Variants in BPNT2 observed in about 807,000 individuals in gnomAD.
BPNT2 encodes Golgi-resident adenosine 3',5'-bisphosphate 3'-phosphatase.
In BPNT2, 11 loss-of-function variants were observed where a neutral mutation model predicts 29.3. That is an observed-to-expected ratio of 0.38 (90% confidence interval 0.24 to 0.62). The LOEUF (loss-of-function observed/expected upper bound fraction) is 0.62. Ranked by LOEUF, BPNT2 falls within the 20% of genes least tolerant of loss-of-function variation. BPNT2 has a pLI of 0.62. For synonymous variants in BPNT2, 195 were observed against 187.7 expected, an observed-to-expected ratio of 1.04 and a Z score of -0.32; for missense variants, 459 against 473.4, an observed-to-expected ratio of 0.97 and a Z score of 0.28.
chr8:56,967,886 A>T (rs1805976201), intron 3 of BPNT2, among the ~76,000 whole-genome samples: 1 of 152,200 alleles, frequency 6.6e-6, no homozygotes, highest in South Asian at 2.1e-4. Context: ...ACTAACAGAA[A>T]TGAAAGCTCC....
Position 56,993,656 on chromosome 8 carries a change from AGCCGCCGCGCTCCGGGCCAGGC to A in BPNT2, c.-93_-72del. ...CAGCGCCCGCCGCCGCCGCCGCCGC[AGCCGCCGCGCTCCGGGCCAGGC>A]GCCGCGCGGGCTACACTGGCGCCCG... On this transcript the variant is annotated 5_prime_UTR_variant, in exon 1 of 5. Transcript: ENST00000262644. 8.6e-7 allele frequency: 1 copy of A among 1,161,816 alleles called. No homozygotes were observed. The highest frequency in any genetic ancestry group is 1.1e-6 in the Non-Finnish European group (1 of 942,134). 72.0% of individuals were successfully genotyped at this position (1,161,816 alleles called of 1,614,324 possible).
chr8:56,975,654 C>T (rs1042042204), intron 3 of BPNT2, among the ~76,000 whole-genome samples: 1 of 152,006 alleles, frequency 6.6e-6, no homozygotes. Flanking sequence ...CTCCTAAGTC[C>T]ATTTTTTCAT....
chr8:56,989,413 G>A (rs907309565), intron 1 of BPNT2, among the ~76,000 whole-genome samples: 2 of 151,192 alleles, frequency 1.3e-5, no homozygotes, highest in African/African-American at 4.9e-5. Context: ...GACAATCTTT[G>A]GCAAATTATT....
At position 56,960,598 on chromosome 8, in the gene BPNT2, C is replaced by T. The variant is rs1805816398; in HGVS notation, c.*3195G>A. ...AACACTAAAATTGGGGTAGCACATACCAAGACAAACATGACCATCTTGTAG... is the reference window on the plus strand; with the variant it reads ...AACACTAAAATTGGGGTAGCACATATCAAGACAAACATGACCATCTTGTAG... On this transcript the variant is annotated 3_prime_UTR_variant, in exon 5 of 5. Transcript: ENST00000262644. 6.6e-6 allele frequency: 1 copy of T among 152,148 alleles called. No individual in the cohort carries two copies. The highest frequency in any genetic ancestry group is 6.5e-5 in the Admixed American group (1 of 15,286). The allele number at this position is 152,148 out of a possible 1,614,324, so 9.4% of individuals were successfully genotyped here.
At chr8:56,979,973 TTGGTTC>T in intron 2 of BPNT2, 56 bp downstream of exon 2, 1 of 1,504,892 alleles carries the variant, frequency 6.6e-7, no homozygotes, top group South Asian at 1.1e-5. Flanking sequence ...GAAGTATGCC[TTGGTTC>T]TGGTTCTCTA....
intron 3 of BPNT2, 35 bp from the exon 4 acceptor site, chr8:56,966,387 GA>G (rs1805953480): frequency 1.3e-6 from 2 of 1,586,636 alleles, no homozygotes; most frequent in East Asian, 2.2e-5. Context: ...TAATGGCACT[GA>G]AGCTTTAAAA....
rs56741190 is a variant in BPNT2, at chr8:56,989,372, T to TA, written c.387+3826dup. 6.4e-3 allele frequency among the ~76,000 whole-genome samples: 840 copies of TA among 131,198 alleles called. 2 individuals are homozygous for TA. The highest frequency in any genetic ancestry group is 7.8e-3 in the Admixed American group (101 of 12,986). 86.1% of individuals were successfully genotyped at this position (131,198 alleles called of 152,430 possible). ...GGGCGACAGAGCGAGACACCATCTTTAAAAAAAAAAAAAAAAAAAAATTCT... is the reference window on the plus strand; with the variant it reads ...GGGCGACAGAGCGAGACACCATCTTTAAAAAAAAAAAAAAAAAAAAAATTCT... On this transcript the variant is annotated intron_variant, in intron 1 of 4. Transcript: ENST00000262644.
intron 1 of BPNT2, among the ~76,000 whole-genome samples, chr8:56,984,932 A>C (rs1236413940): frequency 6.6e-6 from 1 of 151,760 alleles, no homozygotes; most frequent in African/African-American, 2.4e-5. Context: ...TCTCATGGTC[A>C]CTCAGCCTCA....
At chr8:56,977,946 G>A in intron 3 of BPNT2, 104 bp downstream of exon 3, 1 of 803,102 alleles carries the variant, frequency 1.2e-6, no homozygotes, top group South Asian at 1.4e-5. Context: ...GCAGCCCTAG[G>A]AAACTAATAT....
At chr8:56,990,032 G>A (rs1476479179) in intron 1 of BPNT2, among the ~76,000 whole-genome samples, 1 of 152,178 alleles carries the variant, frequency 6.6e-6, no homozygotes, top group African/African-American at 2.4e-5. Flanking sequence ...TACCACCTAG[G>A]CTGGTGACTG....
Position 56,960,371 on chromosome 8 carries a change from C to CT in BPNT2, c.*3421dup, listed in dbSNP as rs1245052160. 6.6e-6 allele frequency: 1 copy of CT among 152,210 alleles called. No individual in the cohort carries two copies. Among genetic ancestry groups the CT allele is most frequent in the Non-Finnish European group, 1.5e-5 (1 of 68,066 alleles). The allele number at this position is 152,210 out of a possible 1,614,324, so 9.4% of individuals were successfully genotyped here. A position where few individuals can be genotyped will look rare whatever the true frequency, so the allele number is the denominator to read the frequency against. ...CCCTGTTACCCTTCTCCTGACCTCC[C>CT]TCTAGCTTCTTTCTGACCCTCTTCC... On this transcript the variant is annotated 3_prime_UTR_variant, in exon 5 of 5. Coordinates refer to ENST00000262644, the MANE Select transcript of BPNT2 (RefSeq NM_017813.5).
Position 56,966,176 on chromosome 8 carries a change from G to A in BPNT2, c.808+15C>T. The stretch of plus-strand genomic sequence containing the variant: ...AGGAACATTCTCCAGGGACCACACA[G>A]GAAGAGGAACATACCAGCACCACCA... On this transcript the variant is annotated intron_variant, in intron 4 of 4. Transcript: ENST00000262644. The A allele has an allele frequency of 6.2e-7, 1 of 1,613,806 alleles. No homozygotes were observed. Among genetic ancestry groups the A allele is most frequent in the African/African-American group, 1.3e-5 (1 of 75,028 alleles).
intron 3 of BPNT2, among the ~76,000 whole-genome samples, chr8:56,971,626 A>G (rs1299431998): frequency 6.6e-6 from 1 of 152,222 alleles, no homozygotes; most frequent in East Asian, 1.9e-4. Context: ...AAATATACAC[A>G]AAGTATAAGA....
intron 1 of BPNT2, among the ~76,000 whole-genome samples, chr8:56,985,826 G>A (rs781500181): frequency 7.9e-5 from 12 of 152,146 alleles, no homozygotes; most frequent in Non-Finnish European, 1.6e-4. Flanking sequence ...TGTAGTTAGA[G>A]GCAAATGAGA....
In BPNT2 at chr8:56,993,264, T is replaced by C; in HGVS notation, c.322A>G (p.Ser108Gly). The C allele has an allele frequency of 6.2e-7, 1 of 1,610,474 alleles. No individual in the cohort carries two copies. Among genetic ancestry groups the C allele is most frequent in the Non-Finnish European group, 8.5e-7 (1 of 1,179,924 alleles). Residue 108 changes from serine (S) to glycine (G), a missense_variant, in exon 1 of 5, where the codon AGC (serine) becomes GGC (glycine). By Grantham distance (56) the Ser-to-Gly change is moderately conservative (BLOSUM62 0). Transcript: ENST00000262644. ...TTGCGGTTGGACAGCACGTCGCCGCTGGTCATCTTGTCCTCGGCTCCCTCG... is the reference window on the plus strand; with the variant it reads ...TTGCGGTTGGACAGCACGTCGCCGCCGGTCATCTTGTCCTCGGCTCCCTCG... ...TREGAEDKMT[S>G]GDVLSNRKMF...
chr8:56,963,813 C>G lies in BPNT2; in HGVS notation c.1060G>C (p.Glu354Gln), dbSNP rs1185736896. ...TATGCTCATTTATGTCCTGTCTTTT[C>G]TAGATCTGGGAGTTTTCTGACCAGG... ...QALVRKLPDLEKTGHK is the reference protein window; with the variant it reads ...QALVRKLPDLQKTGHK The change falls in exon 5 of 5, where the codon GAA becomes CAA. Residue 354 changes from glutamate (E) to glutamine (Q), a missense_variant. Transcript: ENST00000262644. 1 of 1,614,162 alleles carries G rather than the reference C, an allele frequency of 6.2e-7. No homozygotes were observed. Among genetic ancestry groups the G allele is most frequent in the Non-Finnish European group, 8.5e-7 (1 of 1,180,038 alleles).
intron 3 of BPNT2, among the ~76,000 whole-genome samples, chr8:56,973,101 T>C (rs1806065069): frequency 6.6e-6 from 1 of 152,168 alleles, no homozygotes; most frequent in Non-Finnish European, 1.5e-5. Flanking sequence ...AAGAATCCTT[T>C]TTCTGGATTG....
At chr8:56,974,801 G>A (rs1806105391) in intron 3 of BPNT2, among the ~76,000 whole-genome samples, 1 of 152,112 alleles carries the variant, frequency 6.6e-6, no homozygotes, top group South Asian at 2.1e-4. Flanking sequence ...TCTTTAAGGT[G>A]GGTAAGCCTA....
chr8:56,990,636 T>C (rs1221301562), intron 1 of BPNT2, among the ~76,000 whole-genome samples: 1 of 152,164 alleles, frequency 6.6e-6, no homozygotes, highest in African/African-American at 2.4e-5. Context: ...CAGATAATTC[T>C]TCGTCATAGG....
Sources: gnomAD v4.1 joint callset for allele counts (sites outside exome capture counted in the v4.1 genomes callset) on GRCh38, gnomAD v4.1.1 for gene constraint, MANE v1.5 for transcripts, NCBI Gene and HGNC (gene_info 2026-07-23, HGNC 2026-07-21) for gene names.